Variants in ENKUR observed in about 807,000 individuals in gnomAD.
The protein encoded by ENKUR is enkurin.
In ENKUR, 19 loss-of-function variants were observed where a neutral mutation model predicts 27.6. That is an observed-to-expected ratio of 0.69 (90% CI 0.48 to 1.01). The LOEUF is 1.01. ENKUR is among the 50% of genes least tolerant of loss of function. The pLI, the probability that ENKUR is intolerant of heterozygous loss-of-function variation, is 0.00. For synonymous variants in ENKUR, 117 were observed against 96.9 expected, an observed-to-expected ratio of 1.21 and a Z score of -1.22; for missense variants, 312 against 310.5, an observed-to-expected ratio of 1.00 and a Z score of -0.04.
chr10:24,984,209 C>T lies in ENKUR; in HGVS notation c.*161G>A, dbSNP rs1015893419. On this transcript the variant is annotated 3_prime_UTR_variant, in exon 6 of 6. Transcript: ENST00000331161. ...TTACGAATACTGAAAATATTTCTCA[C>T]TGGGAATAACTGCAAATGTCATGGG... The T allele has an allele frequency of 1.4e-6, 1 of 705,070 alleles. No individual in the cohort carries two copies. The allele number at this position is 705,070 out of a possible 1,614,324, so 43.7% of individuals were successfully genotyped here.
At chr10:25,003,307 A>T (rs1317873539) in intron 1 of ENKUR, among the ~76,000 whole-genome samples, 1 of 151,986 alleles carries the variant, frequency 6.6e-6, no homozygotes, top group East Asian at 1.9e-4. Flanking sequence ...CCTGGGTTCA[A>T]ATGATTCTCA....
intron 4 of ENKUR, among the ~76,000 whole-genome samples, chr10:24,988,332 ATG>A (rs1232052587): frequency 6.9e-6 from 1 of 144,932 alleles, no homozygotes; most frequent in Non-Finnish European, 1.5e-5. Context: ...ATATTTATAT[ATG>A]TGTATATATA....
At position 24,996,454 on chromosome 10, in the gene ENKUR, G is replaced by GTATATATA. The variant is rs774819339; in HGVS notation, c.224-586_224-585insTATATATA. 2.6e-3 allele frequency among the ~76,000 whole-genome samples: 382 copies of GTATATATA among 149,472 alleles called. 1 individual carries two copies. The highest frequency in any genetic ancestry group is 8.2e-3 in the African/African-American group (321 of 39,134). On this transcript the variant is annotated intron_variant, in intron 2 of 5. Transcript: ENST00000331161. ...ATCATATATGTGTGTGTGTGTGTGT[G>GTATATATA]TGTATATATATATATATGAACAGTA...
At chr10:25,015,783 C>A in intron 1 of ENKUR, 77 bp downstream of exon 1, 2 of 1,265,814 alleles carry the variant, frequency 1.6e-6, no homozygotes, top group South Asian at 2.0e-5. Flanking sequence ...ATTAAAAATT[C>A]CAGTATATGT....
At chr10:25,038,839 G>A (rs1168544474) in intron 2 of ENKUR, among the ~76,000 whole-genome samples, 1 of 152,208 alleles carries the variant, frequency 6.6e-6, no homozygotes, top group East Asian at 1.9e-4. Context: ...TTCTCATAAT[G>A]TTAACTATGT....
At chr10:25,057,355 A>G (rs1460582756) in intron 2 of ENKUR, among the ~76,000 whole-genome samples, 1 of 147,688 alleles carries the variant, frequency 6.8e-6, no homozygotes, top group Non-Finnish European at 1.5e-5. Flanking sequence ...AAGATATGTA[A>G]TCAGCTTAAC....
rs1318827382 is a variant in ENKUR at position 25,027,356 on chromosome 10, TCAAA to T, written c.38-31491_38-31488del. Among the ~76,000 whole-genome samples, 57 of 45,732 alleles carry T rather than the reference TCAAA, an allele frequency of 1.2e-3. 4 individuals are homozygous for T. In the East Asian group the frequency reaches 0.015, roughly 12 times the overall value. 30.0% of individuals were successfully genotyped at this position (45,732 alleles called of 152,430 possible). A position where few individuals can be genotyped will look rare whatever the true frequency, so the allele number is the denominator to read the frequency against. On this transcript the variant is annotated intron_variant, in intron 2 of 5. Coordinates refer to the ENKUR transcript ENST00000615958. ...TGGGTGACAGAGCAAGACTCCCGTC[TCAAA>T]AAAAAAAAAAAAAAAAAAAAAAAAA...
Position 25,027,356 on chromosome 10 carries a change from TCAAAAAAAAAAAAAAAA to T in ENKUR, c.38-31504_38-31488del, listed in dbSNP as rs1201561796. On this transcript the variant is annotated intron_variant, in intron 2 of 5. Coordinates refer to the ENKUR transcript ENST00000615958. ...TGGGTGACAGAGCAAGACTCCCGTC[TCAAAAAAAAAAAAAAAA>T]AAAAAAAAAAAAAACTAGCCAGGCA... Among the ~76,000 whole-genome samples the T allele has an allele frequency of 1.7e-4, 8 of 45,736 alleles. 1 individual carries two copies. The highest frequency in any genetic ancestry group is 1.2e-3 in the Admixed American group (4 of 3,478). 30.0% of individuals were successfully genotyped at this position (45,736 alleles called of 152,430 possible). A position where few individuals can be genotyped will look rare whatever the true frequency, so the allele number is the denominator to read the frequency against.
chr10:25,010,654 CTCATTGTTCAATTCCCATCT>C, intron 1 of ENKUR, among the ~76,000 whole-genome samples: 1 of 144,996 alleles, frequency 6.9e-6, no homozygotes, highest in Non-Finnish European at 1.5e-5. Context: ...TCCATGTGTT[CTCATTGTTCAATTCCCATCT>C]ATGAGTGAGA....
At chr10:25,025,301 A>G (rs371592668) in intron 2 of ENKUR, 34 of 1,614,060 alleles carry the variant, frequency 2.1e-5, no homozygotes, top group South Asian at 5.5e-5. Context: ...AGTCAGCTCT[A>G]TTTGCTGGGT....
chr10:25,015,970 A>G lies in ENKUR; in HGVS notation c.-34T>C. On this transcript the variant is annotated 5_prime_UTR_variant, in exon 1 of 6. Coordinates refer to ENST00000331161, the MANE Select transcript of ENKUR (RefSeq NM_145010.4). ...AATGACTCCTTAAAAGCTACTCTCC[A>G]CAACTTTTTTCTCCCTGTCCCAGTA... The G allele has an allele frequency of 1.9e-6, 3 of 1,589,638 alleles. No homozygotes were observed. The highest frequency in any genetic ancestry group is 2.6e-6 in the Non-Finnish European group (3 of 1,169,058).
chr10:25,025,087 GGA>G (rs1564350874), intron 2 of ENKUR: 4 of 1,614,188 alleles, frequency 2.5e-6, no homozygotes, highest in Non-Finnish European at 3.4e-6. Flanking sequence ...GTGCTCTGAG[GGA>G]GAGTGCCTAG....
intron 2 of ENKUR, among the ~76,000 whole-genome samples, chr10:25,028,151 C>CA (rs1421659439): frequency 1.3e-5 from 2 of 152,170 alleles, no homozygotes; most frequent in African/African-American, 4.8e-5. Context: ...GCAGGAGAAA[C>CA]AGGGAAGATG....
intron 2 of ENKUR, chr10:25,026,306 A>G (rs1432826828): frequency 6.0e-6 from 1 of 166,582 alleles, no homozygotes; most frequent in East Asian, 1.9e-4. Context: ...TAGGGTGACG[A>G]TGTTTGAAAA....
chr10:25,024,438 A>G lies in ENKUR; in HGVS notation c.38-28569T>C, dbSNP rs34206149. ...ATAAGCAAAGGATAGCTGTGGTTGCATTTTTTCCTGAGAATGGAGTAAGTG... is the reference window on the plus strand; with the variant it reads ...ATAAGCAAAGGATAGCTGTGGTTGCGTTTTTTCCTGAGAATGGAGTAAGTG... On this transcript the variant is annotated intron_variant, in intron 2 of 5. Transcript: ENST00000615958. 1.5e-3 allele frequency: 2,434 copies of G among 1,614,070 alleles called. 20 individuals are homozygous for G. The highest frequency in any genetic ancestry group is 0.01 in the Middle Eastern group (61 of 6,062).
chr10:24,994,453 C>T (rs984422623), intron 3 of ENKUR, among the ~76,000 whole-genome samples: 5 of 151,722 alleles, frequency 3.3e-5, no homozygotes, highest in African/African-American at 1.2e-4. Flanking sequence ...CGTGCCTTAG[C>T]CACCCGAGTA....
rs1564334750 is a variant in ENKUR, at chr10:24,988,718, A to ATG, written c.594+1744_594+1745insCA. On this transcript the variant is annotated intron_variant, in intron 4 of 5. Transcript: ENST00000331161. ...TATATATATATATATATATATATATATATATATATTCCTCATTTTAAAAAT... is the reference window on the plus strand; with the variant it reads ...TATATATATATATATATATATATATATGTATATATATTCCTCATTTTAAAAAT... 2.6e-3 allele frequency among the ~76,000 whole-genome samples: 123 copies of ATG among 47,700 alleles called. 3 individuals are homozygous for ATG. The highest frequency in any genetic ancestry group is 0.011 in the African/African-American group (113 of 9,912). The allele number at this position is 47,700 out of a possible 152,430, so 31.3% of individuals were successfully genotyped here.
At chr10:25,023,286 A>G (rs1850761175) in intron 2 of ENKUR, 5 of 1,614,088 alleles carry the variant, frequency 3.1e-6, no homozygotes, top group South Asian at 2.2e-5. Context: ...TTTCTAGTAT[A>G]CATGTTAAAA....
chr10:25,000,226 T>G (rs1205038204), intron 1 of ENKUR, among the ~76,000 whole-genome samples: 2 of 152,196 alleles, frequency 1.3e-5, no homozygotes, highest in African/African-American at 4.8e-5. Flanking sequence ...TTCTGACATT[T>G]GTTTTATGGC....
Sources: allele counts gnomAD v4.1 joint callset (sites outside exome capture counted in the v4.1 genomes callset), GRCh38; gene constraint gnomAD v4.1.1; transcripts MANE v1.5; gene names NCBI Gene and HGNC (gene_info 2026-07-23, HGNC 2026-07-21).